The following CLC variants were observed in gnomAD, a reference collection of about 807,000 sequenced individuals.
The protein encoded by CLC is galectin-10.
Under a neutral mutation model 13.9 loss-of-function variants are expected in CLC, and 15 were observed. The ratio of observed to expected loss-of-function variants is 1.08; its 90% CI spans 0.72 to 1.66. The LOEUF (loss-of-function observed/expected upper bound fraction) is 1.66. Ranked by LOEUF, CLC falls within the 40% of genes most tolerant of loss-of-function variation. CLC has a pLI of 0.00. For synonymous variants in CLC, 68 were observed against 59.9 expected (o/e 1.14, Z -0.63); for missense variants, 161 against 169.1 (o/e 0.95, Z 0.27).
At chr19:39,736,243 C>T (rs1264306909) in intron 1 of CLC, among the ~76,000 whole-genome samples, 2 of 149,926 alleles carry the variant, frequency 1.3e-5, no homozygotes, top group Non-Finnish European at 3.0e-5. Context: ...GAGAGGGAAA[C>T]GAACAGGAAA....
intron 1 of CLC, among the ~76,000 whole-genome samples, chr19:39,736,157 T>C (rs769315331): frequency 4.0e-5 from 6 of 151,450 alleles, no homozygotes; most frequent in Non-Finnish European, 7.4e-5. Flanking sequence ...TAACTTGAGA[T>C]TGTGAGTTTT....
intron 3 of CLC, among the ~76,000 whole-genome samples, chr19:39,732,669 C>T (rs1164525419): frequency 2.1e-5 from 3 of 142,452 alleles, no homozygotes; most frequent in Admixed American, 6.9e-5. Flanking sequence ...CTGACTTCCA[C>T]AATGGTTGAA....
chr19:39,731,304 A>AAGATCATG lies in CLC; in HGVS notation c.*68_*75dup, dbSNP rs1430488773. 5 of 1,468,288 alleles carry AAGATCATG rather than the reference A, an allele frequency of 3.4e-6. No individual in the cohort carries two copies. The highest frequency in any genetic ancestry group is 4.8e-6 in the Non-Finnish European group (5 of 1,052,304). 91.0% of individuals were successfully genotyped at this position (1,468,288 alleles called of 1,614,324 possible). ...GCAGGAGTAAGGATTGAAGTGAGAA[A>AAGATCATG]AGATCATGCTGTTAGCTGGCTTTGG... On this transcript the variant is annotated 3_prime_UTR_variant, in exon 4 of 4. Coordinates refer to ENST00000221804, the MANE Select transcript of CLC (RefSeq NM_001828.6).
chr19:39,732,269 C>A (rs1438970370), intron 3 of CLC, among the ~76,000 whole-genome samples: 1 of 103,514 alleles, frequency 9.7e-6, no homozygotes, highest in African/African-American at 4.0e-5. Context: ...GTGTGATATT[C>A]CCCTTCCTGT....
chr19:39,736,748 C>G lies in CLC; in HGVS notation c.15+1190G>C, dbSNP rs34848185. Among the ~76,000 whole-genome samples the G allele has an allele frequency of 5.5e-3, 807 of 146,360 alleles. 4 individuals carry two copies. The highest frequency in any genetic ancestry group is 0.011 in the Middle Eastern group (3 of 274). On this transcript the variant is annotated intron_variant, in intron 1 of 3. Coordinates refer to ENST00000221804, the MANE Select transcript of CLC (RefSeq NM_001828.6). ...CGAGATTGCACCACTGCACTCCAGC[C>G]TGGGAAACAGAGCGAGACTCTGTCT...
At chr19:39,733,865 C>T (rs902738055) in intron 3 of CLC, 3 of 912,500 alleles carry the variant, frequency 3.3e-6, no homozygotes, top group Non-Finnish European at 3.9e-6. Context: ...CTGACTAAAA[C>T]AATTTTATTC....
chr19:39,736,861 G>A (rs781761180), intron 1 of CLC, among the ~76,000 whole-genome samples: 27 of 151,858 alleles, frequency 1.8e-4, no homozygotes, highest in Non-Finnish European at 1.3e-4. Context: ...CTGGAACTAC[G>A]GTATGCAACA....
intron 3 of CLC, among the ~76,000 whole-genome samples, chr19:39,731,839 G>A (rs1329344953): frequency 2.0e-5 from 3 of 152,084 alleles, no homozygotes; most frequent in Non-Finnish European, 4.4e-5. Flanking sequence ...ATCTTGCACA[G>A]GGCCAGCCAC....
chr19:39,732,374 T>A (rs2144915487), intron 3 of CLC, among the ~76,000 whole-genome samples: 1 of 90,564 alleles, frequency 1.1e-5, no homozygotes, highest in South Asian at 3.9e-4. Flanking sequence ...AGAATGATGA[T>A]TTCCAATTTC....
intron 1 of CLC, 106 bp downstream of exon 1, chr19:39,737,832 G>A: frequency 1.7e-6 from 2 of 1,174,440 alleles, no homozygotes; most frequent in Non-Finnish European, 1.2e-6. Flanking sequence ...ACAACTCTCA[G>A]TAAAGCATTC....
chr19:39,731,879 T>A (rs541293323), intron 3 of CLC, among the ~76,000 whole-genome samples: 1 of 152,250 alleles, frequency 6.6e-6, no homozygotes, highest in African/African-American at 2.4e-5. Flanking sequence ...GTCCACTGAA[T>A]GCACACATTT....
intron 3 of CLC, among the ~76,000 whole-genome samples, chr19:39,732,983 C>T (rs10408284): frequency 0.042 from 6,065 of 143,180 alleles, 446 homozygotes; most frequent in African/African-American, 0.15. Flanking sequence ...TCAGAGTGAA[C>T]AGGCAACCTA....
At position 39,731,497 on chromosome 19, in the gene CLC, G is replaced by T; in HGVS notation, c.312C>A (p.Val104=). The part of the protein sequence containing the change: ...SVLPDKYQVM[V]NGQSSYTFDH... ...CAAAGGTGTAAGAGGATTGGCCATT[G>T]ACCATTACCTACAGAAGGAAAAAAA... The change falls in exon 4 of 4, where the codon GTC becomes GTA. Residue 104 remains valine, a synonymous_variant. Transcript: ENST00000221804. 1 of 1,605,250 alleles carries T rather than the reference G, an allele frequency of 6.2e-7. No homozygotes were observed. Among genetic ancestry groups the T allele is most frequent in the South Asian group, 1.1e-5 (1 of 90,008 alleles).
At chr19:39,733,580 C>T (rs1967259986) in intron 3 of CLC, among the ~76,000 whole-genome samples, 1 of 152,128 alleles carries the variant, frequency 6.6e-6, no homozygotes, top group Non-Finnish European at 1.5e-5. Flanking sequence ...TGAGGAAATC[C>T]TTCTAGGGGA....
In CLC at chr19:39,734,308, A is replaced by G. The variant is rs1344221494; in HGVS notation, c.278T>C (p.Ile93Thr). 6.2e-7 allele frequency: 1 copy of G among 1,613,914 alleles called. No individual in the cohort carries two copies. Among genetic ancestry groups the G allele is most frequent in the South Asian group, 1.1e-5 (1 of 91,080 alleles). ...FQDGQEFELSISVLPDKYQVM... is the reference protein window; with the variant it reads ...FQDGQEFELSTSVLPDKYQVM... ...CTGGTACTTATCTGGCAGCACTGAG[A>G]TGCTCAGTTCAAATTCTTGGCCATC... Residue 93 changes from isoleucine (I) to threonine (T), a missense_variant, in exon 3 of 4, where the codon ATC (isoleucine) becomes ACC (threonine). Coordinates refer to ENST00000221804, the MANE Select transcript of CLC (RefSeq NM_001828.6).
intron 3 of CLC, among the ~76,000 whole-genome samples, chr19:39,733,732 T>C (rs1285332605): frequency 3.3e-5 from 5 of 151,378 alleles, no homozygotes; most frequent in Non-Finnish European, 1.5e-5. Flanking sequence ...TAAAAACAAA[T>C]AAAAGTGTAT....
intron 1 of CLC, 109 bp from the exon 2 acceptor site, chr19:39,735,182 C>T: frequency 1.4e-6 from 1 of 734,592 alleles, no homozygotes; most frequent in Non-Finnish European, 2.4e-6. Context: ...TAGACTCAGG[C>T]CTCCCTGCTC....
chr19:39,732,298 T>C (rs1348611085), intron 3 of CLC, among the ~76,000 whole-genome samples: 1 of 111,338 alleles, frequency 9.0e-6, no homozygotes, highest in Non-Finnish European at 1.9e-5. Context: ...GATCTCATTG[T>C]TCAATTCCCA....
At chr19:39,734,713 T>C (rs933719926) in intron 2 of CLC, among the ~76,000 whole-genome samples, 1 of 152,212 alleles carries the variant, frequency 6.6e-6, no homozygotes, top group African/African-American at 2.4e-5. Flanking sequence ...AGTCACTGAC[T>C]TGGTCATATG....
Sources: allele counts gnomAD v4.1 joint callset (sites outside exome capture counted in the v4.1 genomes callset), GRCh38; gene constraint gnomAD v4.1.1; transcripts MANE v1.5; gene names NCBI Gene and HGNC (gene_info 2026-07-23, HGNC 2026-07-21).